The following COL6A5 variants were observed in gnomAD, a reference collection of about 807,000 sequenced individuals.
COL6A5 encodes the protein collagen alpha-5(VI) chain.
Under a neutral mutation model 65.6 loss-of-function variants are expected in COL6A5, and 48 were observed. The ratio of observed to expected loss-of-function variants is 0.73; its 90% CI spans 0.58 to 0.93. The LOEUF is 0.93. Among genes scored for constraint, COL6A5 ranks in the 40% least tolerant of loss-of-function variants. COL6A5 has a pLI of 0.00. For missense variants in COL6A5, 914 were observed against 928.3 expected (o/e 0.98, Z 0.20); for synonymous variants, 291 against 322.8 (o/e 0.90, Z 1.05).
intron 1 of COL6A5, among the ~76,000 whole-genome samples, chr3:130,371,480 G>A (rs149452389): frequency 1.5e-3 from 228 of 152,178 alleles, no homozygotes; most frequent in Non-Finnish European, 2.7e-3. Flanking sequence ...CAGAAATATA[G>A]ATGAATAGAA....
exon 4 of COL6A5, chr3:130,379,572 T>A: frequency 6.4e-7 from 1 of 1,551,432 alleles, no homozygotes; most frequent in African/African-American, 1.4e-5. Flanking sequence ...GCATGCGACT[T>A]GGACTGATGA....
At chr3:130,444,287 A>G (rs910932525) in intron 4 of COL6A5, among the ~76,000 whole-genome samples, 1 of 152,220 alleles carries the variant, frequency 6.6e-6, no homozygotes, top group Middle Eastern at 3.4e-3. Flanking sequence ...CTGAGGTGAC[A>G]TACATCCTCC....
At chr3:130,397,981 C>A (rs1377990214) in intron 9 of COL6A5, 49 bp from the exon 10 acceptor site, 1 of 1,543,064 alleles carries the variant, frequency 6.5e-7, no homozygotes, top group Non-Finnish European at 8.8e-7. Flanking sequence ...TCTTCATTCC[C>A]CAATTATATA....
chr3:130,438,156 C>T (rs1709080004), intron 1 of COL6A5, among the ~76,000 whole-genome samples: 1 of 152,092 alleles, frequency 6.6e-6, no homozygotes, highest in Non-Finnish European at 1.5e-5. Flanking sequence ...TGCCACCACA[C>T]CTGGCTAATT....
intron 26 of COL6A5, 46 bp downstream of exon 26, chr3:130,421,249 A>G: frequency 6.5e-7 from 1 of 1,547,122 alleles, no homozygotes; most frequent in Non-Finnish European, 8.7e-7. Context: ...GAATCAAACT[A>G]AATAATACAA....
chr3:130,414,129 C>G, exon 22 of COL6A5: 1 of 1,548,602 alleles, frequency 6.5e-7, no homozygotes, highest in South Asian at 1.2e-5. Flanking sequence ...ACAAGGCCCA[C>G]AGGTGTGTTG....
At chr3:130,434,093 C>T (rs763456741) in intron 1 of COL6A5, among the ~76,000 whole-genome samples, 5 of 152,106 alleles carry the variant, frequency 3.3e-5, no homozygotes, top group Non-Finnish European at 7.4e-5. Flanking sequence ...CGCCTCAACC[C>T]CCACCCCTCG....
At chr3:130,449,912 C>G (rs1709393801) in intron 4 of COL6A5, among the ~76,000 whole-genome samples, 1 of 152,068 alleles carries the variant, frequency 6.6e-6, no homozygotes, top group African/African-American at 2.4e-5. Context: ...AGATGCTCTA[C>G]CTAACACCAG....
At chr3:130,450,215 G>A (rs978518809) in intron 4 of COL6A5, among the ~76,000 whole-genome samples, 2 of 152,122 alleles carry the variant, frequency 1.3e-5, no homozygotes, top group Non-Finnish European at 1.5e-5. Context: ...ATTTGATGTT[G>A]GGGCCTGGGA....
intron 27 of COL6A5, among the ~76,000 whole-genome samples, chr3:130,421,988 GA>G (rs1215819594): frequency 7.9e-5 from 12 of 151,414 alleles, no homozygotes; most frequent in South Asian, 4.2e-4. Flanking sequence ...ATCTCCCTTA[GA>G]AAAAAAAGTC....
exon 1 of COL6A5, chr3:130,345,855 A>T: frequency 2.5e-6 from 1 of 398,280 alleles, no homozygotes; most frequent in East Asian, 3.6e-5. Context: ...CGCGCGCTCT[A>T]TCCAACTGCG....
In COL6A5 at chr3:130,402,048, T is replaced by G. The variant is rs190764925; in HGVS notation, c.4227+194T>G. Among the ~76,000 whole-genome samples, 174 of 152,342 alleles carry G rather than the reference T, an allele frequency of 1.1e-3. 1 individual carries two copies. In the South Asian group the frequency reaches 0.031, roughly 27 times the overall value. On this transcript the variant is annotated intron_variant and NMD_transcript_variant, in intron 12 of 41. Coordinates refer to the COL6A5 transcript ENST00000312481. Reference sequence around the variant, plus strand: ...GATACTGCTAGCAAGAATAACTCCCTTTTCTTTTACATACCCTTGGCAATG... The same window carrying G: ...GATACTGCTAGCAAGAATAACTCCCGTTTCTTTTACATACCCTTGGCAATG...
At chr3:130,467,811 GA>G (rs1709853314) in intron 5 of COL6A5, among the ~76,000 whole-genome samples, 1 of 150,770 alleles carries the variant, frequency 6.6e-6, no homozygotes, top group Non-Finnish European at 1.5e-5. Context: ...GGGTTGAGTA[GA>G]AATGGAGATC....
rs186829428 is a variant in COL6A5, at chr3:130,371,439, T to A, written c.-28-2172T>A. On this transcript the variant is annotated intron_variant and NMD_transcript_variant, in intron 1 of 41. Transcript: ENST00000312481. ...CTTCAAAACTTTCTAAAAGGTAGCA[T>A]AATCAAGACTATGTGATACTGGCAT... 9.5e-3 allele frequency among the ~76,000 whole-genome samples: 1,448 copies of A among 152,246 alleles called. 10 individuals carry two copies. The highest frequency in any genetic ancestry group is 0.069 in the South Asian group (334 of 4,822).
Position 130,436,335 on chromosome 3 carries a change from A to AT in COL6A5, c.488-3180dup, listed in dbSNP as rs532599707. On this transcript the variant is annotated intron_variant, in intron 1 of 7. Transcript: ENST00000512836. The stretch of plus-strand genomic sequence containing the variant: ...GAGACCCTCTGTCTACTATAGATGG[A>AT]TTTTTTTCCTTCTCTGCTACATTAT... 2.4e-4 allele frequency among the ~76,000 whole-genome samples: 36 copies of AT among 151,826 alleles called. 1 individual carries two copies. Among genetic ancestry groups the AT allele is most frequent in the African/African-American group, 7.7e-4 (32 of 41,432 alleles).
rs954479652 is a variant in COL6A5, at chr3:130,376,968, T to C, written c.667+132T>C. The C allele has an allele frequency of 1.1e-5, 11 of 993,204 alleles. No individual in the cohort carries two copies. In the African/African-American group the frequency reaches 1.6e-4, roughly 15 times the overall value. 61.5% of individuals were successfully genotyped at this position (993,204 alleles called of 1,614,324 possible). On this transcript the variant is annotated intron_variant and NMD_transcript_variant, in intron 3 of 41. Coordinates refer to the COL6A5 transcript ENST00000312481. ...AAGTATTGGAAACTTCTACACATCATACCTACTCGCTTCTGCCTTTGCTTG... is the reference window on the plus strand; with the variant it reads ...AAGTATTGGAAACTTCTACACATCACACCTACTCGCTTCTGCCTTTGCTTG...
chr3:130,358,234 A>G (rs1359139780), intron 1 of COL6A5, among the ~76,000 whole-genome samples: 2 of 152,152 alleles, frequency 1.3e-5, no homozygotes, highest in East Asian at 1.9e-4. Context: ...AGTTAGGAAC[A>G]TTATCAACAC....
chr3:130,430,070 C>T (rs9879929), upstream of COL6A5, among the ~76,000 whole-genome samples: 27,354 of 152,088 alleles, frequency 0.18, 2,906 homozygotes, highest in East Asian at 0.33. Flanking sequence ...TGCATGGCAC[C>T]TTAGAGCCCT....
chr3:130,403,649 A>C, exon 13 of COL6A5: 1 of 1,550,900 alleles, frequency 6.4e-7, no homozygotes, highest in Non-Finnish European at 8.7e-7. Flanking sequence ...CACAGGGGAG[A>C]GGATGGAAAC....
Sources: allele counts gnomAD v4.1 joint callset (sites outside exome capture counted in the v4.1 genomes callset), GRCh38; gene constraint gnomAD v4.1.1; transcripts MANE v1.5; gene names NCBI Gene and HGNC (gene_info 2026-07-23, HGNC 2026-07-21).